The following SULF1 variants were observed in gnomAD, a reference collection of about 807,000 sequenced individuals.
SULF1 encodes sulfatase 1.
A neutral mutation model predicts 110.5 loss-of-function variants in SULF1; 46 were observed. That is an observed-to-expected ratio of 0.42 (90% confidence interval 0.33 to 0.53). The LOEUF (loss-of-function observed/expected upper bound fraction) is 0.53, where lower values mean the gene tolerates loss of function less well. Ranked by LOEUF, SULF1 falls within the 20% of genes least tolerant of loss-of-function variation. The pLI, the probability that SULF1 is intolerant of heterozygous loss-of-function variation, is 0.12. For missense variants in SULF1, 941 were observed against 1,094.2 expected (o/e 0.86, Z 1.98); for synonymous variants, 371 against 387.1 (o/e 0.96, Z 0.49).
rs4355778 is a variant in SULF1 at position 69,528,397 on chromosome 8, G to A, written c.-134+26429G>A. Among the ~76,000 whole-genome samples the A allele has an allele frequency of 8.9e-4, 136 of 152,196 alleles. 3 individuals are homozygous for A. The highest frequency in any genetic ancestry group is 3.1e-4 in the Non-Finnish European group (21 of 68,034). ...AGGAATGGGATTGGAAGAGCTTGTA[G>A]ACAGACGTGGATTCCAATCTCTCTC... On this transcript the variant is annotated intron_variant, in intron 3 of 22. Coordinates refer to ENST00000402687, the MANE Select transcript of SULF1 (RefSeq NM_001128205.2).
intron 5 of SULF1, 111 bp downstream of exon 5, chr8:69,564,258 C>T (rs1815709397): frequency 7.8e-6 from 10 of 1,279,644 alleles, no homozygotes; most frequent in South Asian, 1.4e-5. Context: ...TGCACATTAA[C>T]CAACACCCTA....
intron 3 of SULF1, among the ~76,000 whole-genome samples, chr8:69,525,639 ACT>A (rs755991579): frequency 4.6e-5 from 7 of 152,166 alleles, no homozygotes; most frequent in Non-Finnish European, 1.0e-4. Flanking sequence ...CAGGCACCTA[ACT>A]CTATGCAGAG....
chr8:69,557,985 A>G (rs1815226514), intron 3 of SULF1, among the ~76,000 whole-genome samples: 1 of 152,218 alleles, frequency 6.6e-6, no homozygotes, highest in African/African-American at 2.4e-5. Context: ...TTGGAGTTGT[A>G]GTAAATTAGA....
intron 22 of SULF1, among the ~76,000 whole-genome samples, chr8:69,656,832 A>G (rs544738689): frequency 2.0e-5 from 3 of 152,334 alleles, no homozygotes; most frequent in South Asian, 4.1e-4. Context: ...CTTTGAGTAC[A>G]TATCCAGTAA....
chr8:69,594,372 C>G (rs1460922399), intron 8 of SULF1, among the ~76,000 whole-genome samples: 1 of 152,066 alleles, frequency 6.6e-6, no homozygotes, highest in Non-Finnish European at 1.5e-5. Context: ...TTTAACAGTT[C>G]TTTCTTCCCA....
intron 22 of SULF1, among the ~76,000 whole-genome samples, chr8:69,653,283 T>C (rs1453802581): frequency 1.3e-5 from 2 of 152,160 alleles, no homozygotes; most frequent in Non-Finnish European, 1.5e-5. Context: ...GTGCCCAGGC[T>C]ACTGTTAAAC....
intron 3 of SULF1, among the ~76,000 whole-genome samples, chr8:69,521,325 T>C (rs1182366403): frequency 1.3e-5 from 2 of 152,144 alleles, no homozygotes; most frequent in Admixed American, 6.5e-5. Flanking sequence ...TCTTCCATTC[T>C]AATAGCAGGA....
At chr8:69,489,481 CT>C (rs1809829021), upstream of SULF1, among the ~76,000 whole-genome samples, 1 of 150,126 alleles carries the variant, frequency 6.7e-6, no homozygotes, top group Non-Finnish European at 1.5e-5. Flanking sequence ...TATTGACAAA[CT>C]TTAGACTTAT....
chr8:69,564,054 T>C lies in SULF1; in HGVS notation c.79T>C (p.Ser27Pro). The C allele has an allele frequency of 1.9e-6, 3 of 1,614,170 alleles. No homozygotes were observed. Among genetic ancestry groups the C allele is most frequent in the Non-Finnish European group, 2.5e-6 (3 of 1,180,044 alleles). The change falls in exon 5 of 23, where the codon TCC becomes CCC. Residue 27 changes from serine (S) to proline (P), a missense_variant. Coordinates refer to ENST00000402687, the MANE Select transcript of SULF1 (RefSeq NM_001128205.2). ...LLGSLCSTVR[S>P]PRFRGRIQQE... ...GGGAAGCCTCTGTTCGACTGTCAGA[T>C]CCCCGAGGTTCAGAGGACGGATACA... is the stretch of plus-strand genomic sequence containing the variant.
At chr8:69,540,992 C>T (rs372781237) in intron 3 of SULF1, among the ~76,000 whole-genome samples, 6 of 152,162 alleles carry the variant, frequency 3.9e-5, no homozygotes, top group African/African-American at 1.4e-4. Flanking sequence ...ATCTTGAAAG[C>T]TTATAGCCTT....
chr8:69,517,163 G>T (rs924819534), intron 3 of SULF1, among the ~76,000 whole-genome samples: 2 of 152,122 alleles, frequency 1.3e-5, no homozygotes, highest in African/African-American at 4.8e-5. Flanking sequence ...AGGGTGGAAG[G>T]GCAAGCAAGT....
At chr8:69,612,624 A>G (rs775304931) in intron 13 of SULF1, among the ~76,000 whole-genome samples, 2 of 152,068 alleles carry the variant, frequency 1.3e-5, no homozygotes, top group Non-Finnish European at 2.9e-5. Flanking sequence ...GTATTTTTTC[A>G]TGCTTGTTGG....
chr8:69,629,817 A>T (rs905116367), intron 19 of SULF1, 138 bp downstream of exon 19: 1 of 774,342 alleles, frequency 1.3e-6, no homozygotes, highest in Admixed American at 2.7e-5. Context: ...CTATACTGGA[A>T]ACTCAAATGA....
At chr8:69,616,082 AATGTG>A (rs1307783415) in intron 13 of SULF1, among the ~76,000 whole-genome samples, 1 of 138,114 alleles carries the variant, frequency 7.2e-6, no homozygotes, top group Non-Finnish European at 1.6e-5. Context: ...GTGTATATAT[AATGTG>A]TATATATATA....
At chr8:69,494,674 G>C (rs1227839073) in intron 1 of SULF1, among the ~76,000 whole-genome samples, 3 of 152,128 alleles carry the variant, frequency 2.0e-5, no homozygotes, top group African/African-American at 7.2e-5. Context: ...AATCATAATA[G>C]AAGGAACACA....
chr8:69,646,783 A>G (rs1811940683), intron 22 of SULF1, among the ~76,000 whole-genome samples: 1 of 152,096 alleles, frequency 6.6e-6, no homozygotes, highest in Admixed American at 6.5e-5. Context: ...GAATTTTCTC[A>G]TCTTTAAAAA....
intron 3 of SULF1, among the ~76,000 whole-genome samples, chr8:69,502,643 A>G (rs1173683476): frequency 1.4e-5 from 2 of 139,224 alleles, no homozygotes; most frequent in Non-Finnish European, 3.2e-5. Flanking sequence ...CTTCAGAATC[A>G]TTGCTATTTG....
chr8:69,645,216 A>G (rs1811803021), intron 22 of SULF1, among the ~76,000 whole-genome samples: 1 of 152,132 alleles, frequency 6.6e-6, no homozygotes, highest in South Asian at 2.1e-4. Context: ...CCACCCTGGT[A>G]AGGTTAAGGT....
At chr8:69,506,850 A>C (rs1741693707) in intron 3 of SULF1, among the ~76,000 whole-genome samples, 1 of 152,226 alleles carries the variant, frequency 6.6e-6, no homozygotes, top group Admixed American at 6.5e-5. Context: ...AAGGAAAAAG[A>C]ATGGGATGAT....
Sources: allele counts gnomAD v4.1 joint callset (sites outside exome capture counted in the v4.1 genomes callset), GRCh38; gene constraint gnomAD v4.1.1; transcripts MANE v1.5; gene names NCBI Gene and HGNC (gene_info 2026-07-23, HGNC 2026-07-21).